Variants in RASGRP3 observed in about 807,000 individuals in gnomAD.
The protein encoded by RASGRP3 is ras guanyl-releasing protein 3.
A neutral mutation model predicts 82.7 loss-of-function variants in RASGRP3; 54 were observed. The ratio of observed to expected loss-of-function variants is 0.65; its 90% CI spans 0.52 to 0.82. The LOEUF (loss-of-function observed/expected upper bound fraction) is 0.82, where lower values mean the gene tolerates loss of function less well. Among genes scored for constraint, RASGRP3 ranks in the 40% least tolerant of loss-of-function variants. The probability of loss-of-function intolerance (pLI) is 0.00; values close to 1 mark genes in which losing one functional copy is unlikely to be tolerated. For synonymous variants in RASGRP3, 309 were observed against 300.5 expected, an observed-to-expected ratio of 1.03 and a Z score of -0.29; for missense variants, 861 against 828.9, an observed-to-expected ratio of 1.04 and a Z score of -0.48.
chr2:33,515,414 T>G (rs997181420), intron 3 of RASGRP3, among the ~76,000 whole-genome samples: 5 of 152,190 alleles, frequency 3.3e-5, no homozygotes, highest in African/African-American at 1.2e-4. Flanking sequence ...CCAGTCAAAC[T>G]GTCTACTTAA....
intron 1 of RASGRP3, among the ~76,000 whole-genome samples, chr2:33,442,446 T>G (rs1294378273): frequency 6.6e-6 from 1 of 152,240 alleles, no homozygotes; most frequent in Non-Finnish European, 1.5e-5. Flanking sequence ...GTACTACTTT[T>G]ATAATCAGGA....
intron 1 of RASGRP3, among the ~76,000 whole-genome samples, chr2:33,476,916 G>T (rs1667433018): frequency 1.7e-5 from 2 of 116,732 alleles, no homozygotes; most frequent in African/African-American, 5.5e-5. Flanking sequence ...TTTAGAACCT[G>T]TTATTTTCGG....
intron 11 of RASGRP3, among the ~76,000 whole-genome samples, chr2:33,536,208 G>C (rs940926547): frequency 3.3e-5 from 5 of 151,442 alleles, no homozygotes; most frequent in Non-Finnish European, 7.4e-5. Context: ...AGGCTGAGGC[G>C]GGAGGATCAC....
At chr2:33,459,035 A>G (rs1438424153) in intron 2 of RASGRP3, among the ~76,000 whole-genome samples, 2 of 152,256 alleles carry the variant, frequency 1.3e-5, no homozygotes, top group African/African-American at 4.8e-5. Flanking sequence ...TTTTTAACAT[A>G]AATGATTTCA....
intron 10 of RASGRP3, 100 bp downstream of exon 10, chr2:33,527,512 A>T: frequency 7.6e-7 from 1 of 1,317,268 alleles, no homozygotes; most frequent in African/African-American, 1.5e-5. Flanking sequence ...TCTGGGGGAA[A>T]ATTGGTTTCA....
intron 12 of RASGRP3, among the ~76,000 whole-genome samples, chr2:33,542,198 A>T (rs1200120039): frequency 6.8e-6 from 1 of 147,460 alleles, no homozygotes; most frequent in Admixed American, 6.9e-5. Context: ...TTAACTCAAC[A>T]GCAGTTATTG....
At position 33,552,869 on chromosome 2, in the gene RASGRP3, G is replaced by A. The variant is rs192640068; in HGVS notation, c.1543-2662G>A. ...GGTCTCCTGACTCTCAGTCCAGTGT[G>A]CCTTACACCACAATTACTCCAAATA... On this transcript the variant is annotated intron_variant, in intron 14 of 17. Transcript: ENST00000403687. 2.9e-3 allele frequency among the ~76,000 whole-genome samples: 443 copies of A among 152,268 alleles called. 4 individuals are homozygous for A. The highest frequency in any genetic ancestry group is 0.01 in the African/African-American group (430 of 41,548).
chr2:33,479,569 G>T (rs541953934), intron 1 of RASGRP3, among the ~76,000 whole-genome samples: 1 of 152,266 alleles, frequency 6.6e-6, no homozygotes, highest in East Asian at 1.9e-4. Context: ...TTTGAGCTGT[G>T]GGTGTAAGGG....
At position 33,531,316 on chromosome 2, in the gene RASGRP3, T is replaced by C. The variant is rs190323878; in HGVS notation, c.1084-3007T>C. Among the ~76,000 whole-genome samples, 351 of 152,304 alleles carry C rather than the reference T, an allele frequency of 2.3e-3. 1 individual carries two copies. Among genetic ancestry groups the C allele is most frequent in the African/African-American group, 8.3e-3 (343 of 41,552 alleles). On this transcript the variant is annotated intron_variant, in intron 10 of 17. Transcript: ENST00000403687. The stretch of plus-strand genomic sequence containing the variant: ...AGAGCAAATGTTCTTGAAATTCCAT[T>C]GATGAGCAGCCCATATTATAAAAAC...
intron 12 of RASGRP3, among the ~76,000 whole-genome samples, chr2:33,542,832 T>A (rs1389958421): frequency 6.6e-6 from 1 of 151,982 alleles, no homozygotes; most frequent in Non-Finnish European, 1.5e-5. Context: ...TGCAGGCATA[T>A]GCCACCATGC....
intron 1 of RASGRP3, among the ~76,000 whole-genome samples, chr2:33,496,162 C>A (rs559564705): frequency 1.3e-5 from 2 of 152,160 alleles, no homozygotes; most frequent in African/African-American, 4.8e-5. Context: ...TTAGCTTGCA[C>A]CATCTTCGAT....
intron 2 of RASGRP3, among the ~76,000 whole-genome samples, chr2:33,452,107 C>A (rs1354048197): frequency 6.6e-6 from 1 of 151,910 alleles, no homozygotes; most frequent in Non-Finnish European, 1.5e-5. Flanking sequence ...TCATCGAATC[C>A]CCTATTTTGC....
At chr2:33,462,421 C>T (rs1479407116) in intron 2 of RASGRP3, among the ~76,000 whole-genome samples, 1 of 148,562 alleles carries the variant, frequency 6.7e-6, no homozygotes, top group Non-Finnish European at 1.5e-5. Context: ...GCTCTGTTGG[C>T]CAGGCTGGAG....
At chr2:33,457,165 C>T (rs984546657) in intron 2 of RASGRP3, among the ~76,000 whole-genome samples, 1 of 152,088 alleles carries the variant, frequency 6.6e-6, no homozygotes, top group Non-Finnish European at 1.5e-5. Context: ...GCCGCCATGC[C>T]GGACCGCTAA....
intron 1 of RASGRP3, among the ~76,000 whole-genome samples, chr2:33,441,581 A>C (rs775114619): frequency 2.0e-5 from 3 of 152,266 alleles, no homozygotes. Flanking sequence ...ACACCCTTAC[A>C]GCTTGTTGGC....
chr2:33,539,117 C>A lies in RASGRP3; in HGVS notation c.1185C>A (p.Pro395=), dbSNP rs776741948. 3.1e-6 allele frequency: 5 copies of A among 1,610,048 alleles called. No homozygotes were observed. Among genetic ancestry groups the A allele is most frequent in the Admixed American group, 1.7e-5 (1 of 59,490 alleles). Residue 395 remains proline, a synonymous_variant, in exon 12 of 18, where the codon CCC becomes CCA. Transcript: ENST00000403687. ...AGCAGCCTACCTCCCCTACGACGCC[C>A]AACAAGCCTGTGGTACCCCTGGAGT... The part of the protein sequence containing the change: ...SKSQPTSPTT[P]NKPVVPLEWA...
intron 11 of RASGRP3, among the ~76,000 whole-genome samples, chr2:33,536,144 A>C (rs945755226): frequency 2.6e-5 from 4 of 151,976 alleles, no homozygotes; most frequent in African/African-American, 9.7e-5. Flanking sequence ...TCTACTAAAA[A>C]TACAAAAATT....
At chr2:33,551,041 G>A (rs911269943) in intron 14 of RASGRP3, among the ~76,000 whole-genome samples, 1 of 152,146 alleles carries the variant, frequency 6.6e-6, no homozygotes, top group African/African-American at 2.4e-5. Flanking sequence ...GGCCAGGCGC[G>A]GTGGCTCATG....
upstream of RASGRP3, among the ~76,000 whole-genome samples, chr2:33,473,486 G>T (rs1050903758): frequency 1.3e-5 from 2 of 152,234 alleles, no homozygotes; most frequent in Non-Finnish European, 2.9e-5. Flanking sequence ...GCAAGAGAAG[G>T]CGTGGTTGTT....
Sources: allele counts gnomAD v4.1 joint callset (sites outside exome capture counted in the v4.1 genomes callset), GRCh38; gene constraint gnomAD v4.1.1; transcripts MANE v1.5; gene names NCBI Gene and HGNC (gene_info 2026-07-23, HGNC 2026-07-21).